Variants in EFCAB13 observed in about 807,000 individuals in gnomAD.
The protein encoded by EFCAB13 is EF-hand calcium-binding domain-containing protein 13.
In EFCAB13, 91 loss-of-function variants were observed where a neutral mutation model predicts 110.2. That is an observed-to-expected ratio of 0.83 (90% CI 0.70 to 0.98). EFCAB13 has a LOEUF of 0.98. Among genes scored for constraint, EFCAB13 ranks in the 50% least tolerant of loss-of-function variants. The probability of loss-of-function intolerance (pLI) is 0.00; values close to 1 mark genes in which losing one functional copy is unlikely to be tolerated. For synonymous variants in EFCAB13, 323 were observed against 369.9 expected, an observed-to-expected ratio of 0.87 and a Z score of 1.45; for missense variants, 968 against 1,119.4, an observed-to-expected ratio of 0.86 and a Z score of 1.93.
intron 14 of EFCAB13, among the ~76,000 whole-genome samples, chr17:47,388,376 C>T (rs1179828564): frequency 2.0e-5 from 3 of 152,074 alleles, no homozygotes; most frequent in African/African-American, 4.8e-5. Flanking sequence ...TTAACATCTG[C>T]TTGGAGATTT....
intron 23 of EFCAB13, among the ~76,000 whole-genome samples, chr17:47,421,651 AAAG>A (rs1346458968): frequency 1.3e-5 from 2 of 151,282 alleles, no homozygotes; most frequent in African/African-American, 4.9e-5. Context: ...GAAAAAAAAA[AAAG>A]AAATGTTACC....
intron 10 of EFCAB13, among the ~76,000 whole-genome samples, chr17:47,366,350 T>C (rs1177319757): frequency 6.6e-6 from 1 of 151,920 alleles, no homozygotes; most frequent in Non-Finnish European, 1.5e-5. Context: ...GTTAGAGATC[T>C]GGAAATTGAA....
chr17:47,409,315 T>G, intron 20 of EFCAB13: 1 of 226,076 alleles, frequency 4.4e-6, no homozygotes, highest in Non-Finnish European at 8.9e-6. Flanking sequence ...AGAAGGACAA[T>G]TTAGACTAAT....
chr17:47,399,533 A>G (rs2065767895), intron 17 of EFCAB13, among the ~76,000 whole-genome samples: 1 of 152,052 alleles, frequency 6.6e-6, no homozygotes, highest in Non-Finnish European at 1.5e-5. Flanking sequence ...CCAAAGTGGG[A>G]GAAATGACCA....
At chr17:47,373,501 A>T (rs566849491) in intron 11 of EFCAB13, among the ~76,000 whole-genome samples, 65 of 152,072 alleles carry the variant, frequency 4.3e-4, no homozygotes, top group Non-Finnish European at 7.5e-4. Context: ...TTGATTTTTC[A>T]TGTTTCTTGT....
chr17:47,425,644 A>G (rs1273884014), intron 23 of EFCAB13, among the ~76,000 whole-genome samples: 1 of 152,214 alleles, frequency 6.6e-6, no homozygotes, highest in Non-Finnish European at 1.5e-5. Flanking sequence ...AAGTCACAGA[A>G]GATAAGGAGT....
intron 12 of EFCAB13, 29 bp downstream of exon 12, chr17:47,374,995 T>A: frequency 2.0e-6 from 3 of 1,524,656 alleles, no homozygotes; most frequent in Non-Finnish European, 2.6e-6. Flanking sequence ...TCTTGAGTTC[T>A]TCAGTCATCA....
intron 8 of EFCAB13, among the ~76,000 whole-genome samples, chr17:47,346,087 C>G (rs898935249): frequency 6.6e-6 from 1 of 152,200 alleles, no homozygotes; most frequent in Non-Finnish European, 1.5e-5. Context: ...ACCCTCTTAA[C>G]AGATTTTAAA....
At position 47,440,708 on chromosome 17, in the gene EFCAB13, AT is replaced by A. The variant is rs762559816; in HGVS notation, c.2920del (p.Ter974ArgfsTer2). 6.4e-7 allele frequency: 1 copy of A among 1,558,230 alleles called. No individual in the cohort carries two copies. The highest frequency in any genetic ancestry group is 8.6e-7 in the Non-Finnish European group (1 of 1,158,114). On this transcript the variant is annotated frameshift_variant, in exon 25 of 25. Coordinates refer to ENST00000331493, the MANE Select transcript of EFCAB13 (RefSeq NM_152347.5). LOFTEE classifies it high-confidence loss of function. ...NIAKLNPNSK[F>X] is the part of the protein sequence containing the mutation. ...TTGCTAAGCTTAACCCAAACTCAAA[AT>A]TTTAGGTAGTCTTACTTGATAGTGC... is the stretch of plus-strand genomic sequence containing the variant.
chr17:47,357,484 C>T (rs540431081), intron 9 of EFCAB13, among the ~76,000 whole-genome samples: 1 of 152,266 alleles, frequency 6.6e-6, no homozygotes, highest in East Asian at 1.9e-4. Context: ...GGCGCGATCT[C>T]GCTCACTGCA....
intron 11 of EFCAB13, among the ~76,000 whole-genome samples, chr17:47,371,064 T>TG (rs200927140): frequency 0.1 from 7,284 of 69,726 alleles, 222 homozygotes; most frequent in East Asian, 0.23. Context: ...TAATGGTTGT[T>TG]TTTTTTTTTT....
Position 47,345,070 on chromosome 17 carries a change from T to C in EFCAB13, c.489T>C (p.His163=). 1.2e-6 allele frequency: 2 copies of C among 1,605,700 alleles called. No individual in the cohort carries two copies. The highest frequency in any genetic ancestry group is 8.5e-7 in the Non-Finnish European group (1 of 1,176,116). The part of the protein sequence containing the change: ...LYMTLYDEVT[H]GYLHSKELSA... Reference sequence around the variant, plus strand: ...TGACATTATATGATGAAGTAACCCATGGATATTTACACTCAAAAGAATTAA... The same window carrying C: ...TGACATTATATGATGAAGTAACCCACGGATATTTACACTCAAAAGAATTAA... The change falls in exon 8 of 25, where the codon CAT becomes CAC. Residue 163 remains histidine, a synonymous_variant. Transcript: ENST00000331493.
chr17:47,394,505 C>G (rs1372999651), intron 16 of EFCAB13, among the ~76,000 whole-genome samples: 1 of 152,068 alleles, frequency 6.6e-6, no homozygotes, highest in Non-Finnish European at 1.5e-5. Flanking sequence ...TATTCAGTAA[C>G]ATTTATGAAC....
intron 23 of EFCAB13, among the ~76,000 whole-genome samples, chr17:47,417,567 G>A (rs1904492759): frequency 6.6e-6 from 1 of 152,154 alleles, no homozygotes; most frequent in Non-Finnish European, 1.5e-5. Context: ...ATCTGGCACT[G>A]GTTTGGAAGC....
At chr17:47,412,716 C>T (rs2065842200) in intron 21 of EFCAB13, 57 bp from the exon 22 acceptor site, 2 of 1,488,406 alleles carry the variant, frequency 1.3e-6, no homozygotes, top group East Asian at 2.3e-5. Context: ...AGATTTTGGA[C>T]AAATTATTTT....
Position 47,374,906 on chromosome 17 carries a change from A to C in EFCAB13, c.1312A>C (p.Lys438Gln). 6.2e-7 allele frequency: 1 copy of C among 1,606,906 alleles called. No individual in the cohort carries two copies. Among genetic ancestry groups the C allele is most frequent in the Admixed American group, 1.7e-5 (1 of 58,138 alleles). The change falls in exon 12 of 25, where the codon AAG becomes CAG. Residue 438 changes from lysine (K) to glutamine (Q), a missense_variant. Lys to Gln is a moderately conservative substitution (Grantham distance 53, BLOSUM62 1). Coordinates refer to ENST00000331493, the MANE Select transcript of EFCAB13 (RefSeq NM_152347.5). ...AAAACTTCAGAAGCCAGCTGTAAGA[A>C]AGCATTCCAGTCTCCAAAAACAGGT... ...IPKLQKPAVR[K>Q]HSSLQKQVSS...
chr17:47,421,157 A>C (rs1242738269), intron 23 of EFCAB13, among the ~76,000 whole-genome samples: 2 of 152,000 alleles, frequency 1.3e-5, no homozygotes, highest in African/African-American at 2.4e-5. Flanking sequence ...CCAACAGCTC[A>C]TTGAGAACGG....
intron 8 of EFCAB13, among the ~76,000 whole-genome samples, chr17:47,347,478 A>G (rs1357533693): frequency 6.6e-6 from 1 of 152,208 alleles, no homozygotes; most frequent in South Asian, 2.1e-4. Context: ...GCAAGCAATC[A>G]TAATACCAAG....
At chr17:47,370,328 T>C in intron 10 of EFCAB13, 109 bp from the exon 11 acceptor site, 4 of 763,766 alleles carry the variant, frequency 5.2e-6, no homozygotes, top group South Asian at 4.8e-5. Flanking sequence ...AATAGTTGGC[T>C]CTTTGTTCCT....
Sources: gnomAD v4.1 joint callset for allele counts (sites outside exome capture counted in the v4.1 genomes callset) on GRCh38, gnomAD v4.1.1 for gene constraint, MANE v1.5 for transcripts, NCBI Gene and HGNC (gene_info 2026-07-23, HGNC 2026-07-21) for gene names.